ADCY8: variants seen among roughly 807,000 people sequenced by gnomAD.
ADCY8 encodes adenylate cyclase 8.
Under a neutral mutation model 119.7 loss-of-function variants are expected in ADCY8, and 51 were observed. The observed-to-expected ratio is 0.43, with a 90% CI of 0.34 to 0.54. The LOEUF (loss-of-function observed/expected upper bound fraction) is 0.54. Among genes scored for constraint, ADCY8 ranks in the 20% least tolerant of loss-of-function variants. The pLI, the probability that ADCY8 is intolerant of heterozygous loss-of-function variation, is 0.03. For missense variants in ADCY8, 1,383 were observed against 1,598.8 expected (o/e 0.87, Z 2.30); for synonymous variants, 665 against 651.0 (o/e 1.02, Z -0.33).
intron 1 of ADCY8, among the ~76,000 whole-genome samples, 165 bp downstream of exon 1, chr8:131,039,209 A>T (rs1226652676): frequency 6.6e-6 from 1 of 152,188 alleles, no homozygotes; most frequent in East Asian, 1.9e-4. Flanking sequence ...CTTTAAGAAG[A>T]GATTGCATTC....
Position 130,783,735 on chromosome 8 carries a change from T to C in ADCY8, c.3224A>G (p.Gln1075Arg). 1 of 1,613,950 alleles carries C rather than the reference T, an allele frequency of 6.2e-7. No individual in the cohort carries two copies. The highest frequency in any genetic ancestry group is 8.5e-7 in the Non-Finnish European group (1 of 1,179,876). Residue 1075 changes from glutamine (Q) to arginine (R), a missense_variant, in exon 17 of 18, where the codon CAG becomes CGG. Physicochemically the swap from Gln to Arg is conservative, Grantham distance 43. Around this residue, in one of 2 missense-constraint regions of ADCY8, gnomAD observed 928 missense variants for 1,163.5 expected, o/e 0.80. Coordinates refer to ENST00000286355, the MANE Select transcript of ADCY8 (RefSeq NM_001115.3). ...DFSLALTESI[Q>R]EINKHSFNNF... is the part of the protein sequence containing the mutation. Reference sequence around the variant, plus strand: ...GTTGAATGAATGCTTGTTGATCTCCTGTATGCTTTCTGTCAGGGCGAGTGA... The same window carrying C: ...GTTGAATGAATGCTTGTTGATCTCCCGTATGCTTTCTGTCAGGGCGAGTGA...
intron 8 of ADCY8, among the ~76,000 whole-genome samples, chr8:130,879,853 T>A (rs1286002496): frequency 3.9e-5 from 6 of 152,172 alleles, no homozygotes; most frequent in African/African-American, 1.4e-4. Context: ...ATAAAAATTT[T>A]TGATATGGTT....
chr8:130,823,110 C>G (rs531499828), intron 12 of ADCY8, among the ~76,000 whole-genome samples: 13 of 152,258 alleles, frequency 8.5e-5, no homozygotes, highest in South Asian at 2.1e-4. Flanking sequence ...ATACAGAAGA[C>G]TTTAAGCCCA....
At chr8:130,996,711 A>G (rs1347951457) in intron 1 of ADCY8, among the ~76,000 whole-genome samples, 1 of 152,162 alleles carries the variant, frequency 6.6e-6, no homozygotes, top group Non-Finnish European at 1.5e-5. Context: ...AATGTGGAAA[A>G]TGAAACTATA....
At chr8:130,785,741 C>T (rs1815230821) in intron 15 of ADCY8, among the ~76,000 whole-genome samples, 1 of 152,168 alleles carries the variant, frequency 6.6e-6, no homozygotes, top group Non-Finnish European at 1.5e-5. Flanking sequence ...AGATCCTGTC[C>T]CTGCTCTGTG....
At chr8:130,999,265 ACT>A (rs1822870473) in intron 1 of ADCY8, among the ~76,000 whole-genome samples, 1 of 152,034 alleles carries the variant, frequency 6.6e-6, no homozygotes, top group African/African-American at 2.4e-5. Flanking sequence ...GAAAGTTGTC[ACT>A]CTGAGGTGAG....
intron 1 of ADCY8, among the ~76,000 whole-genome samples, chr8:131,037,117 C>T (rs1051435267): frequency 5.9e-5 from 9 of 152,150 alleles, no homozygotes; most frequent in African/African-American, 1.7e-4. Context: ...TTTAAAAGCC[C>T]TTTCAGCACT....
intron 7 of ADCY8, among the ~76,000 whole-genome samples, chr8:130,894,918 C>T (rs190972933): frequency 5.7e-4 from 87 of 152,124 alleles, no homozygotes; most frequent in Middle Eastern, 3.4e-3. Context: ...AAACCTTCCT[C>T]GATATGAACT....
chr8:130,780,358 A>G lies in ADCY8; in HGVS notation c.*32T>C, dbSNP rs1358182970. On this transcript the variant is annotated 3_prime_UTR_variant, in exon 18 of 18. Transcript: ENST00000286355. Reference sequence around the variant, plus strand: ...TATATTTATTTTATATATAAAAGAAATACAAAAAAAAAAAACAGAAAGAAA... The same window carrying G: ...TATATTTATTTTATATATAAAAGAAGTACAAAAAAAAAAAACAGAAAGAAA... 9.2e-7 allele frequency: 1 copy of G among 1,085,296 alleles called. No individual in the cohort carries two copies. The highest frequency in any genetic ancestry group is 2.9e-5 in the East Asian group (1 of 35,086). 67.2% of individuals were successfully genotyped at this position (1,085,296 alleles called of 1,614,324 possible).
At chr8:130,864,982 A>G (rs186487711) in intron 9 of ADCY8, among the ~76,000 whole-genome samples, 4 of 152,296 alleles carry the variant, frequency 2.6e-5, no homozygotes, top group East Asian at 1.9e-4. Flanking sequence ...GAGGATTTAT[A>G]TCACTCTGGC....
intron 13 of ADCY8, among the ~76,000 whole-genome samples, chr8:130,815,403 A>G (rs2130175963): frequency 6.6e-6 from 1 of 152,370 alleles, no homozygotes; most frequent in African/African-American, 2.4e-5. Flanking sequence ...AGTTATCATA[A>G]TAAAACTAGC....
At position 130,948,025 on chromosome 8, in the gene ADCY8, G is replaced by GA. The variant is rs540387820; in HGVS notation, c.1241+3842dup. Among the ~76,000 whole-genome samples the GA allele has an allele frequency of 4.9e-4, 74 of 151,988 alleles. No individual in the cohort carries two copies. In the South Asian group the frequency reaches 0.015, roughly 31 times the overall value. ...CATACGTCATTTTCTGGTTAAGGTGGAAAAAAAAGTGGGTGTGAGTACTCT... is the reference window on the plus strand; with the variant it reads ...CATACGTCATTTTCTGGTTAAGGTGGAAAAAAAAAGTGGGTGTGAGTACTCT... On this transcript the variant is annotated intron_variant, in intron 3 of 17. Coordinates refer to ENST00000286355, the MANE Select transcript of ADCY8 (RefSeq NM_001115.3).
At chr8:130,866,308 G>A (rs971150504) in intron 9 of ADCY8, among the ~76,000 whole-genome samples, 1 of 146,300 alleles carries the variant, frequency 6.8e-6, no homozygotes, top group East Asian at 2.0e-4. Context: ...AGCATGGCCT[G>A]CCCTTGCATA....
intron 8 of ADCY8, among the ~76,000 whole-genome samples, chr8:130,870,665 G>C (rs887281630): frequency 1.3e-5 from 2 of 152,108 alleles, no homozygotes; most frequent in African/African-American, 2.4e-5. Flanking sequence ...CCTTCCTATA[G>C]ATCCCAAGCC....
chr8:131,031,704 C>T (rs1199034151), intron 1 of ADCY8, among the ~76,000 whole-genome samples: 1 of 152,098 alleles, frequency 6.6e-6, no homozygotes, highest in African/African-American at 2.4e-5. Flanking sequence ...TACATTGCAA[C>T]AAAAAACCTT....
At chr8:130,789,637 A>G (rs916582218) in intron 15 of ADCY8, among the ~76,000 whole-genome samples, 2 of 152,188 alleles carry the variant, frequency 1.3e-5, no homozygotes, top group Non-Finnish European at 2.9e-5. Flanking sequence ...TTTTGTCCCC[A>G]TTTTATATAG....
intron 8 of ADCY8, among the ~76,000 whole-genome samples, chr8:130,880,856 T>G (rs969352035): frequency 6.6e-6 from 1 of 152,196 alleles, no homozygotes; most frequent in African/African-American, 2.4e-5. Context: ...ATGGCCACCA[T>G]GATCATAGGA....
rs1276065419 is a variant in ADCY8, at chr8:130,911,617, A to G, written c.1482-1751T>C. ...AATTAATTTAAAATTTTAAATTTTAAATTTGTAATCAAATTAAAATATTTA... is the reference window on the plus strand; with the variant it reads ...AATTAATTTAAAATTTTAAATTTTAGATTTGTAATCAAATTAAAATATTTA... On this transcript the variant is annotated intron_variant, in intron 5 of 17. Transcript: ENST00000286355. 4.7e-5 allele frequency among the ~76,000 whole-genome samples: 7 copies of G among 149,066 alleles called. No homozygotes were observed. In the Admixed American group the frequency reaches 4.7e-4, roughly 10 times the overall value.
chr8:130,789,751 G>A (rs923051533), intron 15 of ADCY8, among the ~76,000 whole-genome samples: 6 of 152,160 alleles, frequency 3.9e-5, no homozygotes, highest in Admixed American at 1.3e-4. Context: ...CCAAAGTCAC[G>A]CCTGCCTTTC....
Sources: gnomAD v4.1 joint callset for allele counts (sites outside exome capture counted in the v4.1 genomes callset) on GRCh38, gnomAD v4.1.1 for gene constraint, gnomAD v4.1.1 regional missense constraint, MANE v1.5 for transcripts, NCBI Gene and HGNC (gene_info 2026-07-23, HGNC 2026-07-21) for gene names.